The following ARMH1 variants were observed in gnomAD, a reference collection of about 807,000 sequenced individuals.
ARMH1 encodes armadillo-like helical domain containing protein 1.
A neutral mutation model predicts 50.2 loss-of-function variants in ARMH1; 34 were observed. The ratio of observed to expected loss-of-function variants is 0.68; its 90% CI spans 0.51 to 0.90. The LOEUF is 0.90. Ranked by LOEUF, ARMH1 falls within the 40% of genes least tolerant of loss-of-function variation. The pLI is 0.00. For synonymous variants in ARMH1, 221 were observed against 224.2 expected, an observed-to-expected ratio of 0.99 and a Z score of 0.13; for missense variants, 538 against 553.9, an observed-to-expected ratio of 0.97 and a Z score of 0.29.
At position 44,725,220 on chromosome 1, in the gene ARMH1, G is replaced by A; in HGVS notation, c.1210+3G>A. On this transcript the variant is annotated splice_donor_region_variant and intron_variant, in intron 11 of 11. Transcript: ENST00000535358. ...CAACACAGTCAATGTTACCAAAGGT[G>A]AGTGTGGGACGAGGGAAGCCGGGCG... 1 of 1,551,916 alleles carries A rather than the reference G, an allele frequency of 6.4e-7. No individual in the cohort carries two copies. Among genetic ancestry groups the A allele is most frequent in the Admixed American group, 2.0e-5 (1 of 51,016 alleles).
Position 44,724,527 on chromosome 1 carries a change from C to A in ARMH1, c.921-12C>A. The A allele has an allele frequency of 2.0e-6, 3 of 1,505,126 alleles. No homozygotes were observed. The highest frequency in any genetic ancestry group is 1.8e-6 in the Non-Finnish European group (2 of 1,130,644). The allele number at this position is 1,505,126 out of a possible 1,614,324, so 93.2% of individuals were successfully genotyped here. ...CCCCAGGGCGTCGCCCCAGCCCGAACCCCCGGCCCAGGGTCCTGGCGCGCA... is the reference window on the plus strand; with the variant it reads ...CCCCAGGGCGTCGCCCCAGCCCGAAACCCCGGCCCAGGGTCCTGGCGCGCA... On this transcript the variant is annotated splice_polypyrimidine_tract_variant and intron_variant, in intron 8 of 11. Coordinates refer to ENST00000535358, the MANE Select transcript of ARMH1 (RefSeq NM_001145636.2). The surrounding 1 kb of genome is among the most constrained non-coding windows in gnomAD (Gnocchi z 6.4).
At chr1:44,689,607 C>A in intron 1 of ARMH1, 69 bp from the exon 2 acceptor site, 2 of 1,240,160 alleles carry the variant, frequency 1.6e-6, no homozygotes, top group Non-Finnish European at 2.3e-6. Flanking sequence ...CAGTTGATTG[C>A]TAGAAAAATA....
chr1:44,705,229 G>A lies in ARMH1; in HGVS notation c.724+1056G>A, dbSNP rs12094084. On this transcript the variant is annotated intron_variant, in intron 6 of 11. Coordinates refer to ENST00000535358, the MANE Select transcript of ARMH1 (RefSeq NM_001145636.2). ...TAAGAGGCCAGGCATGGTGGCTCACGCCTGTAATTCCACCATTTTGGGAGG... is the reference window on the plus strand; with the variant it reads ...TAAGAGGCCAGGCATGGTGGCTCACACCTGTAATTCCACCATTTTGGGAGG... 3.9e-3 allele frequency among the ~76,000 whole-genome samples: 586 copies of A among 152,020 alleles called. 19 individuals carry two copies. The highest frequency in any genetic ancestry group is 0.036 in the Admixed American group (555 of 15,278).
intron 1 of ARMH1, chr1:44,688,195 G>T (rs1460291907): frequency 6.6e-6 from 1 of 152,312 alleles, no homozygotes; most frequent in Admixed American, 6.5e-5. Flanking sequence ...TTTGTGTTCA[G>T]GTTGGTCCGC....
In ARMH1 at chr1:44,722,903, CA is replaced by C. The variant is rs71036693; in HGVS notation, c.725-1198del. Among the ~76,000 whole-genome samples, 487 of 85,968 alleles carry C rather than the reference CA, an allele frequency of 5.7e-3. 3 individuals carry two copies. The highest frequency in any genetic ancestry group is 0.013 in the African/African-American group (301 of 22,356). The allele number at this position is 85,968 out of a possible 152,430, so 56.4% of individuals were successfully genotyped here. A position where few individuals can be genotyped will look rare whatever the true frequency, so the allele number is the denominator to read the frequency against. ...TGAAACCCCATCTCTACTAAAAATACAAAAAAAAAAAAAAAAAAAAATTAGC... is the reference window on the plus strand; with the variant it reads ...TGAAACCCCATCTCTACTAAAAATACAAAAAAAAAAAAAAAAAAAATTAGC... On this transcript the variant is annotated intron_variant, in intron 6 of 11. Coordinates refer to ENST00000535358, the MANE Select transcript of ARMH1 (RefSeq NM_001145636.2).
In ARMH1 at chr1:44,724,899, C is replaced by A. The variant is rs1648049417; in HGVS notation, c.1128+60C>A. 1 of 1,518,494 alleles carries A rather than the reference C, an allele frequency of 6.6e-7. No homozygotes were observed. The highest frequency in any genetic ancestry group is 8.8e-7 in the Non-Finnish European group (1 of 1,135,256). 94.1% of individuals were successfully genotyped at this position (1,518,494 alleles called of 1,614,324 possible). A position where few individuals can be genotyped will look rare whatever the true frequency, so the allele number is the denominator to read the frequency against. ...AGATGGCGGCTCGGACAGTGTGATG[C>A]CCCTTCAGACAGTCCCCATCCTGGA... On this transcript the variant is annotated intron_variant, in intron 10 of 11. Coordinates refer to ENST00000535358, the MANE Select transcript of ARMH1 (RefSeq NM_001145636.2). This position sits in a 1 kb window ranked among gnomAD's most constrained non-coding sequence, Gnocchi z 6.4.
intron 6 of ARMH1, chr1:44,721,867 G>T (rs10127584): frequency 6.6e-6 from 1 of 152,060 alleles, no homozygotes; most frequent in Non-Finnish European, 1.5e-5. Context: ...AGTAAAAGGC[G>T]AAAGATTTAT....
At chr1:44,720,606 G>A (rs1450270627) in intron 6 of ARMH1, among the ~76,000 whole-genome samples, 1 of 152,188 alleles carries the variant, frequency 6.6e-6, no homozygotes, top group Non-Finnish European at 1.5e-5. Context: ...ATTCTATACG[G>A]TGCTACGGGT....
intron 6 of ARMH1, among the ~76,000 whole-genome samples, chr1:44,720,267 T>C (rs1573489120): frequency 6.7e-6 from 1 of 149,556 alleles, no homozygotes; most frequent in East Asian, 2.0e-4. Flanking sequence ...GTTCTGGCTC[T>C]CCAGCCTGTC....
intron 2 of ARMH1, among the ~76,000 whole-genome samples, chr1:44,695,552 G>A (rs1029169604): frequency 2.0e-5 from 3 of 152,120 alleles, no homozygotes; most frequent in African/African-American, 7.2e-5. Flanking sequence ...CTTAAAGGGA[G>A]GCAGAGGCAG....
intron 2 of ARMH1, among the ~76,000 whole-genome samples, chr1:44,693,754 C>T (rs1645735871): frequency 6.6e-6 from 1 of 152,134 alleles, no homozygotes; most frequent in East Asian, 1.9e-4. Flanking sequence ...CCATGTCTGG[C>T]CCATCATGGA....
Position 44,701,074 on chromosome 1 carries a change from C to T in ARMH1, c.594C>T (p.Ser198=), listed in dbSNP as rs561930475. 1.3e-6 allele frequency: 2 copies of T among 1,551,668 alleles called. No homozygotes were observed. Among genetic ancestry groups the T allele is most frequent in the South Asian group, 2.4e-5 (2 of 84,054 alleles). ...KGLIALLPCE[S]PKAQQLSLQT... ...TAATAGCTTTGCTGCCCTGCGAGTCCCCAAAAGCCCAGCAGCTGTCCCTGC... is the reference window on the plus strand; with the variant it reads ...TAATAGCTTTGCTGCCCTGCGAGTCTCCAAAAGCCCAGCAGCTGTCCCTGC... Residue 198 remains serine (S), a synonymous_variant, in exon 5 of 12, where the codon TCC becomes TCT. Transcript: ENST00000535358.
Position 44,682,329 on chromosome 1 carries a change from C to T in ARMH1, c.-22-7347C>T, listed in dbSNP as rs1422074411. Among the ~76,000 whole-genome samples, 1 of 152,070 alleles carries T rather than the reference C, an allele frequency of 6.6e-6. No homozygotes were observed. Among genetic ancestry groups the T allele is most frequent in the Non-Finnish European group, 1.5e-5 (1 of 68,038 alleles). On this transcript the variant is annotated intron_variant, in intron 1 of 11. Coordinates refer to ENST00000535358, the MANE Select transcript of ARMH1 (RefSeq NM_001145636.2). This position sits in a 1 kb window ranked among gnomAD's most constrained non-coding sequence, Gnocchi z 4.5. ...GTGTCAAAGTCATTGATCGGCACTG[C>T]GGCAAGGTAGAGAGGGAAAGACAGA...
chr1:44,693,748 G>C (rs1645735767), intron 2 of ARMH1, among the ~76,000 whole-genome samples: 1 of 152,164 alleles, frequency 6.6e-6, no homozygotes, highest in African/African-American at 2.4e-5. Flanking sequence ...GAGCTACCAT[G>C]TCTGGCCCAT....
chr1:44,708,663 C>T (rs963134175), intron 6 of ARMH1, among the ~76,000 whole-genome samples: 9 of 151,980 alleles, frequency 5.9e-5, no homozygotes, highest in African/African-American at 7.3e-5. Context: ...GGGGGCCTGG[C>T]GATTGTTTAT....
chr1:44,721,599 A>G (rs569267701), intron 6 of ARMH1, among the ~76,000 whole-genome samples: 8 of 152,310 alleles, frequency 5.3e-5, no homozygotes, highest in Admixed American at 1.3e-4. Context: ...CACTACAAAA[A>G]GTACACAAAA....
intron 1 of ARMH1, among the ~76,000 whole-genome samples, chr1:44,686,529 AGCC>A (rs1369711137): frequency 6.6e-6 from 1 of 152,096 alleles, no homozygotes; most frequent in African/African-American, 2.4e-5. Context: ...TATAAAAATT[AGCC>A]AGGTGTGGTG....
chr1:44,713,424 G>A (rs1475569514), intron 6 of ARMH1, among the ~76,000 whole-genome samples: 1 of 152,020 alleles, frequency 6.6e-6, no homozygotes, highest in Non-Finnish European at 1.5e-5. Context: ...CAGCTGACAT[G>A]GGCAGTAATT....
In ARMH1 at chr1:44,689,970, A is replaced by G. The variant is rs1645604514; in HGVS notation, c.206+67A>G. On this transcript the variant is annotated intron_variant, in intron 2 of 11. Transcript: ENST00000535358. Reference sequence around the variant, plus strand: ...CACGGTGGCTCACGCCTGTAATCCCAGCACTTTGGGAGGCCAAGGTGGGCA... The same window carrying G: ...CACGGTGGCTCACGCCTGTAATCCCGGCACTTTGGGAGGCCAAGGTGGGCA... 2.1e-6 allele frequency: 3 copies of G among 1,447,050 alleles called. No individual in the cohort carries two copies. The East Asian group carries it at 7.5e-5, about 36-fold the overall frequency. 89.6% of individuals were successfully genotyped at this position (1,447,050 alleles called of 1,614,324 possible).
Sources: gnomAD v4.1 joint callset for allele counts (sites outside exome capture counted in the v4.1 genomes callset) on GRCh38, gnomAD v4.1.1 for gene constraint, Gnocchi (gnomAD v3.1) non-coding constraint, MANE v1.5 for transcripts, NCBI Gene and HGNC (gene_info 2026-07-23, HGNC 2026-07-21) for gene names.